FGF10: variants seen among roughly 807,000 people sequenced by gnomAD.
The protein encoded by FGF10 is fibroblast growth factor 10, also known as FGF-10.
In FGF10, 2 loss-of-function variants were observed where a neutral mutation model predicts 19.8. The observed-to-expected ratio is 0.10, with a 90% CI of 0.04 to 0.32. The LOEUF is 0.32. FGF10 is among the 10% of genes least tolerant of loss of function. The probability of loss-of-function intolerance (pLI) is 1.00; values close to 1 mark genes in which losing one functional copy is unlikely to be tolerated. For synonymous variants in FGF10, 112 were observed against 94.0 expected (o/e 1.19, Z -1.10); for missense variants, 191 against 246.3 (o/e 0.78, Z 1.50).
chr5:44,324,237 G>GA (rs547890901), intron 1 of FGF10, among the ~76,000 whole-genome samples: 89 of 151,188 alleles, frequency 5.9e-4, no homozygotes, highest in Middle Eastern at 3.4e-3. Context: ...AAGAAACACT[G>GA]AAAAAAAAGA....
In FGF10 at chr5:44,341,056, G is replaced by T. The variant is rs186362815; in HGVS notation, c.326-30526C>A. Among the ~76,000 whole-genome samples, 96 of 151,890 alleles carry T rather than the reference G, an allele frequency of 6.3e-4. 1 individual carries two copies. The highest frequency in any genetic ancestry group is 6.9e-3 in the Middle Eastern group (2 of 290). On this transcript the variant is annotated intron_variant, in intron 1 of 2. Coordinates refer to ENST00000264664, the MANE Select transcript of FGF10 (RefSeq NM_004465.2). ...ATATATTCTAATCAAGTCTTCCTTT[G>T]TTCTTATTTTTTAGCATTTCTAGAG...
chr5:44,308,687 C>T (rs868543948), intron 2 of FGF10, among the ~76,000 whole-genome samples: 35 of 151,980 alleles, frequency 2.3e-4, no homozygotes, highest in African/African-American at 8.0e-4. Context: ...CCTCTGACCC[C>T]CATGCAAAAA....
intron 2 of FGF10, among the ~76,000 whole-genome samples, chr5:44,306,241 G>T (rs1740072962): frequency 6.6e-6 from 1 of 151,912 alleles, no homozygotes; most frequent in African/African-American, 2.4e-5. Flanking sequence ...ACTAAAAATA[G>T]AAAAAATTAG....
intron 1 of FGF10, among the ~76,000 whole-genome samples, chr5:44,316,782 T>A (rs1740361959): frequency 6.6e-6 from 1 of 152,304 alleles, no homozygotes; most frequent in Non-Finnish European, 1.5e-5. Context: ...GTATTGTGAA[T>A]TTGGGATTTG....
chr5:44,317,295 C>T (rs1189337417), intron 1 of FGF10, among the ~76,000 whole-genome samples: 1 of 152,166 alleles, frequency 6.6e-6, no homozygotes. Context: ...TCCTTTCTAT[C>T]TCTGGATAAG....
At chr5:44,317,228 T>C (rs1740371650) in intron 1 of FGF10, among the ~76,000 whole-genome samples, 1 of 152,220 alleles carries the variant, frequency 6.6e-6, no homozygotes, top group African/African-American at 2.4e-5. Context: ...GTTCTGTCAA[T>C]ACGCTTGACA....
intron 1 of FGF10, among the ~76,000 whole-genome samples, chr5:44,348,672 T>C (rs774379219): frequency 6.9e-6 from 1 of 144,330 alleles, no homozygotes; most frequent in South Asian, 2.1e-4. Flanking sequence ...ATATAACGAA[T>C]GGCTTTTTAT....
Position 44,333,111 on chromosome 5 carries a change from A to C in FGF10, c.326-22581T>G, listed in dbSNP as rs544092298. Among the ~76,000 whole-genome samples the C allele has an allele frequency of 1.5e-3, 235 of 151,770 alleles. 1 individual carries two copies. Among genetic ancestry groups the C allele is most frequent in the East Asian group, 2.9e-3 (15 of 5,180 alleles). On this transcript the variant is annotated intron_variant, in intron 1 of 2. Transcript: ENST00000264664. ...TTAAAAAGAAGTCCTGACCCCCCCC[A>C]AAAAAATTACAACTTCTTGAATCAA...
intron 1 of FGF10, among the ~76,000 whole-genome samples, chr5:44,382,689 T>C (rs748824500): frequency 6.6e-6 from 1 of 152,128 alleles, no homozygotes; most frequent in Non-Finnish European, 1.5e-5. Flanking sequence ...CATGAAAGAT[T>C]TAAATCCTTC....
At chr5:44,324,191 C>T (rs1740560702) in intron 1 of FGF10, among the ~76,000 whole-genome samples, 1 of 151,130 alleles carries the variant, frequency 6.6e-6, no homozygotes, top group South Asian at 2.1e-4. Context: ...GGACAAGGGA[C>T]ATAAAGGGAA....
intron 1 of FGF10, among the ~76,000 whole-genome samples, chr5:44,359,117 G>C (rs931459178): frequency 7.9e-5 from 12 of 151,426 alleles, no homozygotes; most frequent in African/African-American, 2.4e-4. Context: ...TCTGAAGTCA[G>C]CAAAGTCAAA....
Position 44,357,675 on chromosome 5 carries a change from A to G in FGF10, c.325+30683T>C, listed in dbSNP as rs200246807. 7.9e-5 allele frequency among the ~76,000 whole-genome samples: 12 copies of G among 151,538 alleles called. No individual in the cohort carries two copies. The East Asian group carries it at 2.0e-3, about 25-fold the overall frequency. ...TGATCCAGTGTCCTTGCTCTTAACC[A>G]TTATGCTATTTTGCCTCTCTTTGTG... On this transcript the variant is annotated intron_variant, in intron 1 of 2. Transcript: ENST00000264664.
chr5:44,349,422 TTATATATATATA>T (rs869035955), intron 1 of FGF10, among the ~76,000 whole-genome samples: 18 of 41,422 alleles, frequency 4.3e-4, no homozygotes, highest in Non-Finnish European at 5.7e-4. Context: ...AGCATTTTCT[TTATATATATATA>T]TATATATATA....
chr5:44,367,256 G>A (rs899978697), intron 1 of FGF10, among the ~76,000 whole-genome samples: 13 of 151,804 alleles, frequency 8.6e-5, no homozygotes, highest in Non-Finnish European at 1.5e-4. Flanking sequence ...CAAAATAAAA[G>A]TGGTCAGGAG....
chr5:44,389,031 T>C lies in FGF10; in HGVS notation c.-349A>G. The C allele has an allele frequency of 2.5e-6, 1 of 395,204 alleles. No homozygotes were observed. The highest frequency in any genetic ancestry group is 5.4e-5 in the East Asian group (1 of 18,560). The allele number at this position is 395,204 out of a possible 1,614,324, so 24.5% of individuals were successfully genotyped here. ...CTTTGTTCTCTTCTTTACTCCTTTC[T>C]TCACCATGTTAGATGCCAAAAAGGT... On this transcript the variant is annotated 5_prime_UTR_variant, in exon 1 of 3. Transcript: ENST00000264664.
At chr5:44,339,865 C>T (rs1041454639) in intron 1 of FGF10, among the ~76,000 whole-genome samples, 1 of 152,130 alleles carries the variant, frequency 6.6e-6, no homozygotes, top group Non-Finnish European at 1.5e-5. Context: ...CCATCTCTTG[C>T]ATCATTCTTA....
At chr5:44,323,350 T>G (rs1579904630) in intron 1 of FGF10, among the ~76,000 whole-genome samples, 1 of 152,122 alleles carries the variant, frequency 6.6e-6, no homozygotes, top group East Asian at 1.9e-4. Flanking sequence ...GTTTAAAGGG[T>G]TTTCCTGGTG....
At chr5:44,383,626 T>A (rs1214395226) in intron 1 of FGF10, among the ~76,000 whole-genome samples, 1 of 152,098 alleles carries the variant, frequency 6.6e-6, no homozygotes, top group Non-Finnish European at 1.5e-5. Flanking sequence ...TCTTGAATTG[T>A]GCATTTTTAA....
At chr5:44,370,798 C>G (rs1741724951) in intron 1 of FGF10, among the ~76,000 whole-genome samples, 1 of 151,914 alleles carries the variant, frequency 6.6e-6, no homozygotes, top group African/African-American at 2.4e-5. Flanking sequence ...CATAAAAATT[C>G]AAGTGATGTA....
Sources: allele counts gnomAD v4.1 joint callset (sites outside exome capture counted in the v4.1 genomes callset), GRCh38; gene constraint gnomAD v4.1.1; transcripts MANE v1.5; gene names NCBI Gene and HGNC (gene_info 2026-07-23, HGNC 2026-07-21).